The following CYRIA variants were observed in gnomAD, a reference collection of about 807,000 sequenced individuals.
The protein encoded by CYRIA is CYFIP-related Rac1 interactor A.
A neutral mutation model predicts 43.9 loss-of-function variants in CYRIA; 15 were observed. The ratio of observed to expected loss-of-function variants is 0.34; its 90% CI spans 0.23 to 0.53. The LOEUF (loss-of-function observed/expected upper bound fraction) is 0.53, where lower values mean the gene tolerates loss of function less well. Ranked by LOEUF, CYRIA falls within the 20% of genes least tolerant of loss-of-function variation. CYRIA has a pLI of 0.94. For missense variants in CYRIA, 236 were observed against 394.2 expected, an observed-to-expected ratio of 0.60 and a Z score of 3.40; for synonymous variants, 117 against 136.0, an observed-to-expected ratio of 0.86 and a Z score of 0.97.
intron 1 of CYRIA, among the ~76,000 whole-genome samples, chr2:16,631,277 C>A (rs528045730): frequency 6.6e-6 from 1 of 152,330 alleles, no homozygotes; most frequent in East Asian, 1.9e-4. Flanking sequence ...TTGTAACTAG[C>A]CCAGAGCCCT....
chr2:16,600,759 T>C (rs944318769), intron 2 of CYRIA, among the ~76,000 whole-genome samples: 3 of 152,230 alleles, frequency 2.0e-5, no homozygotes, highest in Middle Eastern at 3.2e-3. Context: ...TGTGGCACTA[T>C]ACTTGAAGCT....
intron 1 of CYRIA, among the ~76,000 whole-genome samples, chr2:16,632,079 G>A (rs553910347): frequency 3.5e-4 from 53 of 152,294 alleles, no homozygotes; most frequent in African/African-American, 1.2e-3. Flanking sequence ...TGGGTGTTCC[G>A]TAGAGACCAC....
At chr2:16,600,704 G>A (rs184750907) in intron 2 of CYRIA, among the ~76,000 whole-genome samples, 9 of 152,246 alleles carry the variant, frequency 5.9e-5, no homozygotes, top group Admixed American at 3.3e-4. Context: ...TATAATTTAT[G>A]AGAGAAACTG....
chr2:16,631,099 TACAACAC>T (rs1558435192), intron 1 of CYRIA, among the ~76,000 whole-genome samples: 3 of 152,178 alleles, frequency 2.0e-5, no homozygotes. Context: ...GATCCTCAGA[TACAACAC>T]CTGTTAAATG....
At position 16,645,934 on chromosome 2, in the gene CYRIA, C is replaced by T. The variant is rs183627947; in HGVS notation, c.-167+19846G>A. On this transcript the variant is annotated intron_variant, in intron 1 of 11. Transcript: ENST00000381323. ...TCTAATTGGGAAAAGATCATATGTGCTTATACACGCACACACCCACACAAG... is the reference window on the plus strand; with the variant it reads ...TCTAATTGGGAAAAGATCATATGTGTTTATACACGCACACACCCACACAAG... 4.4e-4 allele frequency among the ~76,000 whole-genome samples: 67 copies of T among 152,338 alleles called. 1 individual carries two copies. The East Asian group carries it at 9.6e-3, about 22-fold the overall frequency.
intron 2 of CYRIA, among the ~76,000 whole-genome samples, chr2:16,589,222 A>C (rs1481512402): frequency 6.6e-6 from 1 of 152,128 alleles, no homozygotes; most frequent in Non-Finnish European, 1.5e-5. Flanking sequence ...GAACTGGTGC[A>C]AGGAAACTGC....
In CYRIA at chr2:16,630,593, CT is replaced by C. The variant is rs571365093; in HGVS notation, c.-166-6575del. On this transcript the variant is annotated intron_variant, in intron 1 of 11. Transcript: ENST00000381323. ...GCAGCATTCAGGAAACTCCACCAAGCTTTTCGATGAGTTCACATTGCACTGC... is the reference window on the plus strand; with the variant it reads ...GCAGCATTCAGGAAACTCCACCAAGCTTTCGATGAGTTCACATTGCACTGC... 2.0e-4 allele frequency among the ~76,000 whole-genome samples: 30 copies of C among 152,310 alleles called. No individual in the cohort carries two copies. The East Asian group carries it at 5.6e-3, about 28-fold the overall frequency.
At chr2:16,586,789 C>A (rs750291183) in intron 3 of CYRIA, among the ~76,000 whole-genome samples, 1 of 151,658 alleles carries the variant, frequency 6.6e-6, no homozygotes, top group Middle Eastern at 3.2e-3. Flanking sequence ...TTTTTAATGG[C>A]GATAAAATAT....
At chr2:16,611,908 C>T (rs915939983) in intron 2 of CYRIA, among the ~76,000 whole-genome samples, 1 of 152,158 alleles carries the variant, frequency 6.6e-6, no homozygotes, top group Admixed American at 6.5e-5. Context: ...GTAGTGGGAC[C>T]AGATTTCCTG....
chr2:16,601,386 G>A (rs769995709), intron 2 of CYRIA, among the ~76,000 whole-genome samples: 4 of 152,094 alleles, frequency 2.6e-5, no homozygotes, highest in Non-Finnish European at 4.4e-5. Context: ...CAAAAACAGA[G>A]AATTTCTTCC....
rs199574540 is a variant in CYRIA, at chr2:16,564,008, G to A, written c.279C>T (p.Tyr93=). 974 of 1,612,938 alleles carry A rather than the reference G, an allele frequency of 6.0e-4. 14 individuals carry two copies. The South Asian group carries it at 9.8e-3, about 16-fold the overall frequency. Residue 93 remains tyrosine, a synonymous_variant, in exon 5 of 12, where the codon TAC becomes TAT. Transcript: ENST00000381323. ...CPLVVRLKRF[Y]EFSIRLEKAL... ...ACTCACCTAGTCTAATGGAAAACTC[G>A]TAAAATCTCTTTAGCCTCACAACAA...
At chr2:16,557,476 C>T (rs547202135) in intron 10 of CYRIA, among the ~76,000 whole-genome samples, 23 of 152,106 alleles carry the variant, frequency 1.5e-4, no homozygotes, top group African/African-American at 2.4e-4. Flanking sequence ...TAATGATTTA[C>T]GAGCCCAGTG....
At chr2:16,580,998 G>C (rs1012477114) in intron 3 of CYRIA, among the ~76,000 whole-genome samples, 6 of 152,122 alleles carry the variant, frequency 3.9e-5, no homozygotes, top group Non-Finnish European at 7.4e-5. Context: ...AAACAATACA[G>C]CTTTCAGAAG....
At position 16,625,921 on chromosome 2, in the gene CYRIA, C is replaced by T. The variant is rs181984701; in HGVS notation, c.-166-1902G>A. Among the ~76,000 whole-genome samples the T allele has an allele frequency of 2.8e-4, 43 of 151,830 alleles. No individual in the cohort carries two copies. The East Asian group carries it at 7.2e-3, about 25-fold the overall frequency. ...TGGATTCACTCAGCTGGGTTCAGCACAAATGCTGCTATTTTCCACCACAAA... is the reference window on the plus strand; with the variant it reads ...TGGATTCACTCAGCTGGGTTCAGCATAAATGCTGCTATTTTCCACCACAAA... On this transcript the variant is annotated intron_variant, in intron 1 of 11. Coordinates refer to ENST00000381323, the MANE Select transcript of CYRIA (RefSeq NM_030797.4).
intron 1 of CYRIA, among the ~76,000 whole-genome samples, chr2:16,654,135 G>A (rs1670042108): frequency 6.6e-6 from 1 of 152,158 alleles, no homozygotes; most frequent in South Asian, 2.1e-4. Context: ...TCTGTTCCAG[G>A]GCAAGGCAAA....
intron 5 of CYRIA, 83 bp downstream of exon 5, chr2:16,563,906 A>G: frequency 1.1e-6 from 1 of 934,886 alleles, no homozygotes; most frequent in Middle Eastern, 2.2e-4. Flanking sequence ...ATTTTCCAAT[A>G]TGCCACGCTG....
chr2:16,602,975 T>C (rs564143920), intron 2 of CYRIA, among the ~76,000 whole-genome samples: 2 of 152,264 alleles, frequency 1.3e-5, no homozygotes, highest in South Asian at 4.2e-4. Flanking sequence ...ATCCTGCAAA[T>C]AGTCTCCAAC....
At chr2:16,663,342 A>G (rs1050871868) in intron 1 of CYRIA, among the ~76,000 whole-genome samples, 8 of 152,218 alleles carry the variant, frequency 5.3e-5, no homozygotes, top group Non-Finnish European at 1.2e-4. Context: ...TTTGACACTG[A>G]GGCTGCTGAT....
At chr2:16,601,799 T>C (rs971087719) in intron 2 of CYRIA, among the ~76,000 whole-genome samples, 3 of 152,068 alleles carry the variant, frequency 2.0e-5, no homozygotes, top group Admixed American at 6.6e-5. Flanking sequence ...AAAAATAAGT[T>C]GATAGCATTA....
Sources: allele counts gnomAD v4.1 joint callset (sites outside exome capture counted in the v4.1 genomes callset), GRCh38; gene constraint gnomAD v4.1.1; transcripts MANE v1.5; gene names NCBI Gene and HGNC (gene_info 2026-07-23, HGNC 2026-07-21).